Variants in TSHZ2 observed in about 807,000 individuals in gnomAD.
The protein encoded by TSHZ2 is teashirt zinc finger homeobox 2.
A neutral mutation model predicts 74.4 loss-of-function variants in TSHZ2; 21 were observed. The ratio of observed to expected loss-of-function variants is 0.28; its 90% CI spans 0.20 to 0.41. The LOEUF (loss-of-function observed/expected upper bound fraction) is 0.41, where lower values mean the gene tolerates loss of function less well. Ranked by LOEUF, TSHZ2 falls within the 10% of genes least tolerant of loss-of-function variation. The pLI, the probability that TSHZ2 is intolerant of heterozygous loss-of-function variation, is 1.00. For synonymous variants in TSHZ2, 540 were observed against 515.3 expected (o/e 1.05, Z -0.65); for missense variants, 1,244 against 1,293.5 (o/e 0.96, Z 0.59).
intron 2 of TSHZ2, among the ~76,000 whole-genome samples, chr20:53,352,232 C>CTTTTT (rs142220716): frequency 5.2e-5 from 3 of 57,864 alleles, no homozygotes; most frequent in Non-Finnish European, 9.2e-5. Context: ...CTCCTAAGCT[C>CTTTTT]TTTTTTTTTT....
At position 52,973,325 on chromosome 20, in the gene TSHZ2, G is replaced by T; in HGVS notation, c.32G>T (p.Arg11Leu). The change falls in exon 1 of 3, where the codon CGG becomes CTG. Residue 11 changes from arginine to leucine, a missense_variant. This residue lies in a region of TSHZ2 where 5 missense variants were observed against 18.6 expected (regional missense o/e 0.27). Coordinates refer to ENST00000371497, the MANE Select transcript of TSHZ2 (RefSeq NM_173485.6). MPRRKQQAPK[R>L]AAGYAQEEQL... ...AGGAGAAAACAGCAGGCACCCAAGC[G>T]GGCGGCAGGTAAGAGAAACGGCTCC... The T allele has an allele frequency of 1.3e-6, 2 of 1,552,298 alleles. No homozygotes were observed. Among genetic ancestry groups the T allele is most frequent in the East Asian group, 2.4e-5 (1 of 41,186 alleles).
chr20:53,428,257 C>T (rs185056514), intron 2 of TSHZ2, among the ~76,000 whole-genome samples: 89 of 152,286 alleles, frequency 5.8e-4, no homozygotes, highest in Non-Finnish European at 1.1e-3. Context: ...TCAGTCTTCT[C>T]GTTGGTGAAT....
Position 53,254,203 on chromosome 20 carries a change from A to G in TSHZ2, c.745A>G (p.Lys249Glu). 3 of 1,614,150 alleles carry G rather than the reference A, an allele frequency of 1.9e-6. No individual in the cohort carries two copies. The highest frequency in any genetic ancestry group is 8.5e-7 in the Non-Finnish European group (1 of 1,180,014). ...TCAAGATGACAACCGCAAAAAGGAC[A>G]AGCTCAGACCCACGAGCTATTCAAA... The part of the protein sequence containing the change: ...HYQDDNRKKD[K>E]LRPTSYSKPR... The change falls in exon 2 of 3, where the codon AAG becomes GAG. Residue 249 changes from lysine to glutamate, a missense_variant. Lys to Glu is a moderately conservative substitution (Grantham distance 56, BLOSUM62 1). This residue lies in a region of TSHZ2 where 470 missense variants were observed against 456.5 expected (regional missense o/e 1.03). Transcript: ENST00000371497.
At position 53,489,191 on chromosome 20, in the gene TSHZ2, G is replaced by C. The variant is rs1986380661; in HGVS notation, c.*2056G>C. ...CATAGGGAATAGCGGCTCAAATGTA[G>C]TTCTGACATGAAAAGCAAGGTGCTG... On this transcript the variant is annotated 3_prime_UTR_variant, in exon 3 of 3. Transcript: ENST00000371497. 2.2e-6 allele frequency: 1 copy of C among 456,116 alleles called. No homozygotes were observed. Among genetic ancestry groups the C allele is most frequent in the African/African-American group, 2.0e-5 (1 of 50,054 alleles). 28.3% of individuals were successfully genotyped at this position (456,116 alleles called of 1,614,324 possible). A position where few individuals can be genotyped will look rare whatever the true frequency, so the allele number is the denominator to read the frequency against.
Position 53,254,169 on chromosome 20 carries a change from G to A in TSHZ2, c.711G>A (p.Thr237=), listed in dbSNP as rs1410697607. The change falls in exon 2 of 3, where the codon ACG becomes ACA. Residue 237 remains threonine, a synonymous_variant. Coordinates refer to ENST00000371497, the MANE Select transcript of TSHZ2 (RefSeq NM_173485.6). ...AGCTGACTGTGCACATGAATGAAAC[G>A]GGCCACTATCAAGATGACAACCGCA... is the stretch of plus-strand genomic sequence containing the variant. ...LVELTVHMNE[T]GHYQDDNRKK... 1.9e-6 allele frequency: 3 copies of A among 1,614,036 alleles called. No individual in the cohort carries two copies. Among genetic ancestry groups the A allele is most frequent in the East Asian group, 2.2e-5 (1 of 44,864 alleles).
At chr20:52,977,701 T>C (rs757050671) in intron 1 of TSHZ2, among the ~76,000 whole-genome samples, 39 of 152,186 alleles carry the variant, frequency 2.6e-4, no homozygotes, top group Non-Finnish European at 2.5e-4. Context: ...ATAGGACATC[T>C]CAAAAGCCCA....
At chr20:53,485,166 T>A (rs1194040226) in intron 2 of TSHZ2, among the ~76,000 whole-genome samples, 1 of 152,208 alleles carries the variant, frequency 6.6e-6, no homozygotes, top group African/African-American at 2.4e-5. Flanking sequence ...CTTAAGAATT[T>A]AAGCCTATGA....
intron 1 of TSHZ2, among the ~76,000 whole-genome samples, chr20:53,061,814 T>TA (rs889284891): frequency 4.6e-5 from 7 of 152,206 alleles, no homozygotes; most frequent in Non-Finnish European, 7.3e-5. Context: ...AATTCCATTT[T>TA]AAAATCAACG....
intron 2 of TSHZ2, chr20:53,453,034 T>C (rs1198777956): frequency 6.6e-6 from 1 of 152,210 alleles, no homozygotes; most frequent in African/African-American, 2.4e-5. Flanking sequence ...ACCATGAGAT[T>C]ATAAATCAGC....
At chr20:53,404,380 T>A (rs774864401) in intron 2 of TSHZ2, among the ~76,000 whole-genome samples, 14 of 152,250 alleles carry the variant, frequency 9.2e-5, no homozygotes, top group Non-Finnish European at 1.6e-4. Flanking sequence ...GTTACATCTA[T>A]TTCCTTGTAA....
At chr20:53,099,594 A>G (rs538500157) in intron 1 of TSHZ2, among the ~76,000 whole-genome samples, 18 of 152,352 alleles carry the variant, frequency 1.2e-4, no homozygotes, top group African/African-American at 4.1e-4. Flanking sequence ...AAAGAAAAAG[A>G]GGTTTAATGG....
At chr20:53,096,984 A>C (rs141647968) in intron 1 of TSHZ2, among the ~76,000 whole-genome samples, 2 of 152,180 alleles carry the variant, frequency 1.3e-5, no homozygotes, top group Admixed American at 6.5e-5. Flanking sequence ...TGTCAAGCTC[A>C]ATGGTATTGA....
intron 2 of TSHZ2, among the ~76,000 whole-genome samples, chr20:53,353,931 G>T (rs1021642237): frequency 6.6e-6 from 1 of 152,158 alleles, no homozygotes; most frequent in Non-Finnish European, 1.5e-5. Context: ...GGGCTTCCTG[G>T]CATGTGGGTC....
At chr20:53,303,006 C>T (rs1284222012) in intron 2 of TSHZ2, among the ~76,000 whole-genome samples, 1 of 152,200 alleles carries the variant, frequency 6.6e-6, no homozygotes, top group Non-Finnish European at 1.5e-5. Context: ...TCTTCCAGTT[C>T]TTTCTGCTGT....
chr20:53,329,522 T>G (rs1979633038), intron 2 of TSHZ2, among the ~76,000 whole-genome samples: 1 of 152,170 alleles, frequency 6.6e-6, no homozygotes, highest in Non-Finnish European at 1.5e-5. Context: ...AATATCAGTC[T>G]GATGACTCTG....
chr20:53,362,072 C>T (rs1981078894), intron 2 of TSHZ2, among the ~76,000 whole-genome samples: 2 of 152,020 alleles, frequency 1.3e-5, no homozygotes, highest in African/African-American at 4.8e-5. Flanking sequence ...CCATGTTTGC[C>T]AGGCTGGTCT....
At chr20:53,138,205 AC>A (rs780935070) in intron 1 of TSHZ2, among the ~76,000 whole-genome samples, 2 of 151,862 alleles carry the variant, frequency 1.3e-5, no homozygotes, top group East Asian at 1.9e-4. Flanking sequence ...ACACGGTGAA[AC>A]CCCGTCTCTA....
intron 2 of TSHZ2, among the ~76,000 whole-genome samples, chr20:53,259,164 A>G (rs1990548344): frequency 6.6e-6 from 1 of 152,172 alleles, no homozygotes; most frequent in Non-Finnish European, 1.5e-5. Flanking sequence ...GTTGTCTGGA[A>G]CTCTAATCTT....
intron 2 of TSHZ2, among the ~76,000 whole-genome samples, chr20:53,371,562 CAG>C: frequency 6.6e-6 from 1 of 152,320 alleles, no homozygotes; most frequent in African/African-American, 2.4e-5. Flanking sequence ...TTCTGAAGGA[CAG>C]AGTCTGCCAT....
Sources: allele counts gnomAD v4.1 joint callset (sites outside exome capture counted in the v4.1 genomes callset), GRCh38; gene constraint gnomAD v4.1.1; regional missense constraint gnomAD v4.1.1; transcripts MANE v1.5; gene names NCBI Gene and HGNC (gene_info 2026-07-23, HGNC 2026-07-21).